LRBA: variants seen among roughly 807,000 people sequenced by gnomAD.
The protein encoded by LRBA is LPS responsive beige-like anchor protein, also known as lipopolysaccharide-responsive and beige-like anchor protein.
In LRBA, 176 loss-of-function variants were observed where a neutral mutation model predicts 330.0. The observed-to-expected ratio is 0.53, with a 90% confidence interval of 0.47 to 0.60. LRBA has a LOEUF of 0.60. Ranked by LOEUF, LRBA falls within the 20% of genes least tolerant of loss-of-function variation. The probability of loss-of-function intolerance (pLI) is 0.00; values close to 1 mark genes in which losing one functional copy is unlikely to be tolerated. For synonymous variants in LRBA, 1,230 were observed against 1,193.0 expected (o/e 1.03, Z -0.64); for missense variants, 3,259 against 3,444.8 (o/e 0.95, Z 1.35).
At chr4:150,935,181 A>G (rs1734963900) in intron 2 of LRBA, among the ~76,000 whole-genome samples, 1 of 140,112 alleles carries the variant, frequency 7.1e-6, no homozygotes, top group Non-Finnish European at 1.6e-5. Context: ...GTCTCACGAA[A>G]AAAAAAAAAA....
intron 37 of LRBA, among the ~76,000 whole-genome samples, chr4:150,603,295 G>A (rs556403570): frequency 1.2e-4 from 19 of 152,074 alleles, no homozygotes; most frequent in Admixed American, 8.5e-4. Context: ...TAGTTTTTTC[G>A]TTCTTTGGTC....
Position 150,583,404 on chromosome 4 carries a change from G to T in LRBA, c.6330+4644C>A. 6.2e-7 allele frequency: 1 copy of T among 1,613,998 alleles called. No homozygotes were observed. The highest frequency in any genetic ancestry group is 8.5e-7 in the Non-Finnish European group (1 of 1,180,040). ...TCACGGCGTCGGGCTATCTCTCAGCGCGTAAGATCCGCTCGCGTTTCCAGA... is the reference window on the plus strand; with the variant it reads ...TCACGGCGTCGGGCTATCTCTCAGCTCGTAAGATCCGCTCGCGTTTCCAGA... On this transcript the variant is annotated intron_variant, in intron 40 of 56. Coordinates refer to ENST00000651943, the MANE Select transcript of LRBA (RefSeq NM_001364905.1). This position sits in a 1 kb window ranked among gnomAD's most constrained non-coding sequence, Gnocchi z 9.8.
chr4:150,999,480 C>T (rs1455367575), intron 2 of LRBA, among the ~76,000 whole-genome samples: 1 of 151,402 alleles, frequency 6.6e-6, no homozygotes, highest in Non-Finnish European at 1.5e-5. Context: ...CCAGGCTGGT[C>T]TTGAACTCCT....
intron 37 of LRBA, among the ~76,000 whole-genome samples, chr4:150,608,326 C>T (rs1042084682): frequency 6.6e-6 from 1 of 152,006 alleles, no homozygotes; most frequent in Non-Finnish European, 1.5e-5. Flanking sequence ...TTGCTAGACC[C>T]AGAGAAGAGT....
At chr4:150,677,063 G>C (rs1004362157) in intron 37 of LRBA, among the ~76,000 whole-genome samples, 2 of 151,776 alleles carry the variant, frequency 1.3e-5, no homozygotes, top group African/African-American at 2.4e-5. Flanking sequence ...TACTGCTTTG[G>C]TTGAAACAAA....
chr4:150,992,529 T>C (rs906853822), intron 2 of LRBA, among the ~76,000 whole-genome samples: 4 of 152,120 alleles, frequency 2.6e-5, no homozygotes, highest in Non-Finnish European at 5.9e-5. Context: ...ATAAATATCA[T>C]GTGGGAAAAT....
At position 150,680,712 on chromosome 4, in the gene LRBA, T is replaced by C. The variant is rs577910794; in HGVS notation, c.5921+2839A>G. ...TGCAGTTTTGTCGCAGGACCAGATGTTTCTCAAATGCCACATGCTGAGGCT... is the reference window on the plus strand; with the variant it reads ...TGCAGTTTTGTCGCAGGACCAGATGCTTCTCAAATGCCACATGCTGAGGCT... On this transcript the variant is annotated intron_variant, in intron 37 of 56. Coordinates refer to ENST00000651943, the MANE Select transcript of LRBA (RefSeq NM_001364905.1). 5.1e-4 allele frequency among the ~76,000 whole-genome samples: 78 copies of C among 152,250 alleles called. 1 individual carries two copies. The highest frequency in any genetic ancestry group is 7.1e-4 in the Non-Finnish European group (48 of 68,012).
At chr4:150,323,488 CAT>C (rs879773802) in intron 49 of LRBA, among the ~76,000 whole-genome samples, 10 of 152,180 alleles carry the variant, frequency 6.6e-5, no homozygotes, top group African/African-American at 1.4e-4. Context: ...AAAAATCTCT[CAT>C]GTGTAGGAAG....
At chr4:150,661,078 TAAAAAAAAAAAAAA>T (rs559512113) in intron 37 of LRBA, among the ~76,000 whole-genome samples, 4 of 102,624 alleles carry the variant, frequency 3.9e-5, no homozygotes, top group African/African-American at 1.5e-4. Flanking sequence ...AAAAATAAAT[TAAAAAAAAAAAAAA>T]AAAAAAAAGT....
chr4:150,989,544 C>G (rs1403304608), intron 2 of LRBA, among the ~76,000 whole-genome samples: 1 of 152,058 alleles, frequency 6.6e-6, no homozygotes, highest in Admixed American at 6.6e-5. Flanking sequence ...ACCCGGAAGG[C>G]ACAGGCTGCA....
chr4:150,803,660 C>G (rs913935431), intron 33 of LRBA, among the ~76,000 whole-genome samples: 2 of 152,086 alleles, frequency 1.3e-5, no homozygotes, highest in African/African-American at 4.8e-5. Flanking sequence ...TAAATCCTTT[C>G]TGTTTTACAG....
At chr4:150,946,165 A>G (rs552505667) in intron 2 of LRBA, among the ~76,000 whole-genome samples, 103 of 152,346 alleles carry the variant, frequency 6.8e-4, no homozygotes, top group Non-Finnish European at 1.3e-3. Context: ...CAGTATTATG[A>G]AAGCTACTAA....
Position 150,828,585 on chromosome 4 carries a change from G to GCCGT in LRBA, c.4762_4765dup (p.Ala1589AspfsTer8). On this transcript the variant is annotated frameshift_variant, in exon 30 of 57. Transcript: ENST00000651943. LOFTEE classifies it high-confidence loss of function. Reference sequence around the variant, plus strand: ...TGTGCTTTCAGATTCTTCCACTGATGCCGTAGTTAAAGTGCTGAATGCTGC... The same window carrying GCCGT: ...TGTGCTTTCAGATTCTTCCACTGATGCCGTCCGTAGTTAAAGTGCTGAATGCTGC... 6.2e-7 allele frequency: 1 copy of GCCGT among 1,613,964 alleles called. No homozygotes were observed. Among genetic ancestry groups the GCCGT allele is most frequent in the Non-Finnish European group, 8.5e-7 (1 of 1,179,972 alleles).
chr4:150,661,717 T>A (rs1781127779), intron 37 of LRBA, among the ~76,000 whole-genome samples: 1 of 152,010 alleles, frequency 6.6e-6, no homozygotes, highest in Non-Finnish European at 1.5e-5. Context: ...TTCATGTGAT[T>A]CTCATGACTC....
intron 2 of LRBA, among the ~76,000 whole-genome samples, chr4:150,989,330 T>C (rs1741811347): frequency 6.6e-6 from 1 of 151,512 alleles, no homozygotes; most frequent in African/African-American, 2.4e-5. Context: ...ATAAGAACTC[T>C]GTGGCCAGGC....
At chr4:150,268,059 C>CAAA (rs199767343) in intron 56 of LRBA, among the ~76,000 whole-genome samples, 9,229 of 114,966 alleles carry the variant, frequency 0.08, 456 homozygotes, top group South Asian at 0.25. Context: ...GACTCCATCT[C>CAAA]AAAAAAAAAA....
intron 17 of LRBA, among the ~76,000 whole-genome samples, chr4:150,875,332 T>G (rs1208720693): frequency 6.6e-6 from 1 of 152,168 alleles, no homozygotes; most frequent in Non-Finnish European, 1.5e-5. Context: ...TTTCCTGGAT[T>G]AGGAGTTTAG....
At chr4:150,578,403 T>A (rs563772259) in intron 40 of LRBA, among the ~76,000 whole-genome samples, 70 of 152,124 alleles carry the variant, frequency 4.6e-4, no homozygotes, top group African/African-American at 1.6e-3. Flanking sequence ...AATATGCCAA[T>A]TTTTTTTGAA....
At chr4:150,732,575 T>C (rs968626600) in intron 36 of LRBA, among the ~76,000 whole-genome samples, 1 of 152,036 alleles carries the variant, frequency 6.6e-6, no homozygotes, top group African/African-American at 2.4e-5. Context: ...CACTTTTAGG[T>C]TCTTTTGTGA....
Sources: allele counts gnomAD v4.1 joint callset (sites outside exome capture counted in the v4.1 genomes callset), GRCh38; gene constraint gnomAD v4.1.1; non-coding constraint Gnocchi (gnomAD v3.1); transcripts MANE v1.5; gene names NCBI Gene and HGNC (gene_info 2026-07-23, HGNC 2026-07-21).